Variants in MCTP2 observed in about 807,000 individuals in gnomAD.
The protein encoded by MCTP2 is multiple C2 and transmembrane domain-containing protein 2.
A neutral mutation model predicts 111.6 loss-of-function variants in MCTP2; 132 were observed. The ratio of observed to expected loss-of-function variants is 1.18; its 90% CI spans 1.03 to 1.37. The LOEUF (loss-of-function observed/expected upper bound fraction) is 1.37. Among genes scored for constraint, MCTP2 ranks in the 40% most tolerant of loss-of-function variants. The pLI, the probability that MCTP2 is intolerant of heterozygous loss-of-function variation, is 0.00. For synonymous variants in MCTP2, 395 were observed against 387.7 expected (o/e 1.02, Z -0.22); for missense variants, 1,183 against 1,067.9 (o/e 1.11, Z -1.50).
chr15:94,404,856 G>A (rs1198191346), intron 17 of MCTP2, among the ~76,000 whole-genome samples: 1 of 152,114 alleles, frequency 6.6e-6, no homozygotes, highest in Admixed American at 6.5e-5. Flanking sequence ...GCTCTCCTCT[G>A]CCTTTCTTCA....
rs774185792 is a variant in MCTP2, at chr15:94,370,091, T to A, written c.1493T>A (p.Leu498Ter). The change falls in exon 12 of 23, where the codon TTA (leucine) becomes TAA (stop). Residue 498 changes from leucine to a stop codon, truncating the protein, a stop_gained. Transcript: ENST00000357742. LOFTEE classifies it high-confidence loss of function. ...ERKQITQRYC[L>*]QNSLKDVKDV... ...TATCACCTTTTCAACCCTCAGTGCT[T>A]ACAGAACTCCCTGAAAGATGTGAAA... is the stretch of plus-strand genomic sequence containing the variant. The A allele has an allele frequency of 6.8e-6, 11 of 1,610,938 alleles. No homozygotes were observed. The highest frequency in any genetic ancestry group is 9.3e-6 in the Non-Finnish European group (11 of 1,178,748).
rs2152435828 is a variant in MCTP2 at position 94,367,760 on chromosome 15, T to C, written c.1457T>C (p.Leu486Pro). Residue 486 changes from leucine to proline, a missense_variant, in exon 11 of 23, where the codon CTC becomes CCC. Transcript: ENST00000357742. ...SDLCVCPLAD[L>P]SERKQITQRY... ...CTGTGTGTCTGCCCCTTAGCAGACC[T>C]CAGCGAAAGAAAGCAGATTACCCAG... is the stretch of plus-strand genomic sequence containing the variant. 6.2e-7 allele frequency: 1 copy of C among 1,605,168 alleles called. No individual in the cohort carries two copies. Among genetic ancestry groups the C allele is most frequent in the South Asian group, 1.1e-5 (1 of 89,926 alleles).
intron 20 of MCTP2, among the ~76,000 whole-genome samples, chr15:94,469,376 T>C (rs903929948): frequency 6.6e-6 from 1 of 152,184 alleles, no homozygotes; most frequent in East Asian, 1.9e-4. Context: ...AGGCAATAGA[T>C]ACAACAAAAG....
chr15:94,442,685 A>G (rs1229751984), intron 18 of MCTP2, among the ~76,000 whole-genome samples: 2 of 152,340 alleles, frequency 1.3e-5, no homozygotes, highest in East Asian at 1.9e-4. Context: ...TTCAAAGGGC[A>G]CTGGCCTAAT....
In MCTP2 at chr15:94,470,315, T is replaced by G; in HGVS notation, c.2361-18T>G. 6.6e-7 allele frequency: 1 copy of G among 1,524,582 alleles called. No homozygotes were observed. The highest frequency in any genetic ancestry group is 9.1e-7 in the Non-Finnish European group (1 of 1,098,842). The allele number at this position is 1,524,582 out of a possible 1,614,324, so 94.4% of individuals were successfully genotyped here. A position where few individuals can be genotyped will look rare whatever the true frequency, so the allele number is the denominator to read the frequency against. Reference sequence around the variant, plus strand: ...GTTGAACATCAGAGGAAATTATATTTATGTGGTTTGTCTACAGCACATTTA... The same window carrying G: ...GTTGAACATCAGAGGAAATTATATTGATGTGGTTTGTCTACAGCACATTTA... On this transcript the variant is annotated intron_variant, in intron 20 of 22. Transcript: ENST00000357742.
rs531505647 is a variant in MCTP2 at position 94,466,759 on chromosome 15, GTTTAT to G, written c.2361-3565_2361-3561del. Among the ~76,000 whole-genome samples the G allele has an allele frequency of 7.3e-4, 111 of 152,070 alleles. 1 individual carries two copies. Among genetic ancestry groups the G allele is most frequent in the East Asian group, 2.5e-3 (13 of 5,172 alleles). ...TTAGTTACCTCCAAGAGTTCTTGCA[GTTTAT>G]TTTATTTTTACAGTGTATTATATTT... On this transcript the variant is annotated intron_variant, in intron 20 of 22. Transcript: ENST00000357742.
At chr15:94,328,583 C>T (rs2152386859) in intron 4 of MCTP2, among the ~76,000 whole-genome samples, 1 of 152,326 alleles carries the variant, frequency 6.6e-6, no homozygotes, top group South Asian at 2.1e-4. Context: ...GTGATTTACT[C>T]ATGTCTGAGT....
rs1451575260 is a variant in MCTP2 at position 94,384,019 on chromosome 15, C to T, written c.1583-3C>T. ...TTGACCGATGTGTATGTTATCTTTCCAGGGAAGAGTGACCCATTTTGCTTG... is the reference window on the plus strand; with the variant it reads ...TTGACCGATGTGTATGTTATCTTTCTAGGGAAGAGTGACCCATTTTGCTTG... On this transcript the variant is annotated splice_region_variant and splice_polypyrimidine_tract_variant and intron_variant, in intron 12 of 22. Transcript: ENST00000357742. The T allele has an allele frequency of 6.2e-7, 1 of 1,607,054 alleles. No homozygotes were observed. The highest frequency in any genetic ancestry group is 1.7e-5 in the Admixed American group (1 of 59,994).
chr15:94,340,865 A>G lies in MCTP2; in HGVS notation c.910A>G (p.Met304Val), dbSNP rs199933047. 4 of 1,613,336 alleles carry G rather than the reference A, an allele frequency of 2.5e-6. No individual in the cohort carries two copies. Among genetic ancestry groups the G allele is most frequent in the Non-Finnish European group, 3.4e-6 (4 of 1,179,382 alleles). ...AGATCCAAACAGTTTAGAAGATGAC[A>G]TGGGAGTGATCGTGTTAAATTTGAA... Reference protein sequence around the residue: ...LEDPNSLEDDMGVIVLNLNLV... With the variant: ...LEDPNSLEDDVGVIVLNLNLV... Residue 304 changes from methionine to valine, a missense_variant, in exon 7 of 23, where the codon ATG becomes GTG. Physicochemically the swap from Met to Val is conservative, Grantham distance 21. Transcript: ENST00000357742.
At chr15:94,438,622 G>A (rs1010214637) in intron 17 of MCTP2, among the ~76,000 whole-genome samples, 4 of 152,064 alleles carry the variant, frequency 2.6e-5, no homozygotes, top group Non-Finnish European at 4.4e-5. Context: ...GATACTGAAC[G>A]AACGGTTGGT....
intron 4 of MCTP2, among the ~76,000 whole-genome samples, chr15:94,338,600 C>A (rs2077482392): frequency 6.9e-6 from 1 of 145,116 alleles, no homozygotes. Flanking sequence ...TTATTCATTT[C>A]TTTTGGCGTC....
chr15:94,340,489 A>G lies in MCTP2; in HGVS notation c.857+214A>G, dbSNP rs186760268. Among the ~76,000 whole-genome samples, 74 of 152,322 alleles carry G rather than the reference A, an allele frequency of 4.9e-4. 1 individual carries two copies. The highest frequency in any genetic ancestry group is 4.1e-4 in the Non-Finnish European group (28 of 68,014). ...TCAGATGTTAAGTATTTTATAATGC[A>G]TTCTAAAGTGTGTATTGGATTTCAT... On this transcript the variant is annotated intron_variant, in intron 6 of 22. Coordinates refer to ENST00000357742, the MANE Select transcript of MCTP2 (RefSeq NM_001385001.1).
chr15:94,447,933 G>A (rs1458490872), intron 19 of MCTP2, among the ~76,000 whole-genome samples: 3 of 152,160 alleles, frequency 2.0e-5, no homozygotes, highest in Non-Finnish European at 4.4e-5. Flanking sequence ...AAGTGCATGG[G>A]AATTCTAATT....
At chr15:94,354,500 G>A (rs774854213) in intron 8 of MCTP2, among the ~76,000 whole-genome samples, 3 of 152,024 alleles carry the variant, frequency 2.0e-5, no homozygotes, top group Admixed American at 6.6e-5. Context: ...CCTTCCTGCC[G>A]CCTTGTGAAG....
intron 1 of MCTP2, among the ~76,000 whole-genome samples, chr15:94,244,057 C>T (rs1315685102): frequency 4.8e-5 from 7 of 145,864 alleles, no homozygotes; most frequent in Admixed American, 6.8e-5. Context: ...TATGTATACA[C>T]ATACATATGT....
chr15:94,316,433 A>T (rs140247366), intron 4 of MCTP2, among the ~76,000 whole-genome samples: 29 of 152,298 alleles, frequency 1.9e-4, no homozygotes, highest in Admixed American at 1.0e-3. Flanking sequence ...GAGCTAGACT[A>T]CCTGGGCCCG....
chr15:94,296,491 C>T (rs1433039730), intron 1 of MCTP2, among the ~76,000 whole-genome samples: 1 of 152,134 alleles, frequency 6.6e-6, no homozygotes, highest in Admixed American at 6.5e-5. Context: ...CAGTCCTCAC[C>T]GCAGCCTCCC....
chr15:94,356,322 A>C, intron 9 of MCTP2, 21 bp downstream of exon 9: 3 of 1,547,614 alleles, frequency 1.9e-6, no homozygotes, highest in Non-Finnish European at 2.6e-6. Flanking sequence ...TCTTTTCCAT[A>C]AGGAGAACAG....
intron 12 of MCTP2, among the ~76,000 whole-genome samples, chr15:94,381,096 A>G (rs1291100735): frequency 6.6e-6 from 1 of 152,210 alleles, no homozygotes; most frequent in Non-Finnish European, 1.5e-5. Context: ...ACGGCCTCAA[A>G]TGTATGTATG....
Sources: allele counts gnomAD v4.1 joint callset (sites outside exome capture counted in the v4.1 genomes callset), GRCh38; gene constraint gnomAD v4.1.1; transcripts MANE v1.5; gene names NCBI Gene and HGNC (gene_info 2026-07-23, HGNC 2026-07-21).